The following RYR2 variants were observed in gnomAD, a reference collection of about 807,000 sequenced individuals.
RYR2 encodes the protein ryanodine receptor 2, also known as cardiac muscle ryanodine receptor-calcium release channel.
A neutral mutation model predicts 601.1 loss-of-function variants in RYR2; 227 were observed. That is an observed-to-expected ratio of 0.38 (90% CI 0.34 to 0.42). RYR2 has a LOEUF of 0.42. Among genes scored for constraint, RYR2 ranks in the 10% least tolerant of loss-of-function variants. RYR2 has a pLI of 1.00. For synonymous variants in RYR2, 2,223 were observed against 2,175.1 expected (o/e 1.02, Z -0.61); for missense variants, 4,646 against 6,156.5 (o/e 0.75, Z 8.21).
intron 14 of RYR2, 91 bp from the exon 15 acceptor site, chr1:237,454,300 A>G: frequency 1.5e-6 from 2 of 1,293,328 alleles, no homozygotes; most frequent in Non-Finnish European, 2.1e-6. Flanking sequence ...TGATGTAGGG[A>G]GAGAGATTAA....
chr1:237,154,977 T>C (rs1675144538), intron 1 of RYR2, among the ~76,000 whole-genome samples: 1 of 152,070 alleles, frequency 6.6e-6, no homozygotes, highest in African/African-American at 2.4e-5. Context: ...TTTCTACTCT[T>C]GTACTAAGCT....
chr1:237,456,621 G>T lies in RYR2; in HGVS notation c.1498G>T (p.Glu500Ter). The T allele has an allele frequency of 6.3e-7, 1 of 1,575,434 alleles. No individual in the cohort carries two copies. Among genetic ancestry groups the T allele is most frequent in the South Asian group, 1.2e-5 (1 of 84,882 alleles). ...CCAGGGAATGATCAACCTCGTGCTTGAGTGCATAGACCGTTTGCACGTCTA... is the reference window on the plus strand; with the variant it reads ...CCAGGGAATGATCAACCTCGTGCTTTAGTGCATAGACCGTTTGCACGTCTA... ...QEEGMINLVL[E>*]CIDRLHVYSS... Residue 500 changes from glutamate (E) to a stop codon, truncating the protein, a stop_gained, in exon 16 of 105, where the codon GAG (glutamate) becomes TAG (stop). Transcript: ENST00000366574. LOFTEE classifies it high-confidence loss of function.
intron 1 of RYR2, among the ~76,000 whole-genome samples, chr1:237,117,997 C>T (rs1374237487): frequency 1.3e-5 from 2 of 152,218 alleles, no homozygotes; most frequent in Admixed American, 1.3e-4. Flanking sequence ...CCATTCTCCT[C>T]AGCCTCCCAA....
At chr1:237,225,785 G>T (rs771897455) in intron 1 of RYR2, among the ~76,000 whole-genome samples, 1 of 152,130 alleles carries the variant, frequency 6.6e-6, no homozygotes, top group Non-Finnish European at 1.5e-5. Flanking sequence ...GGCAGAGCAC[G>T]GTGGCTCATG....
intron 29 of RYR2, among the ~76,000 whole-genome samples, chr1:237,583,209 T>C (rs1358075565): frequency 6.6e-6 from 1 of 152,192 alleles, no homozygotes; most frequent in Non-Finnish European, 1.5e-5. Flanking sequence ...GTTTGTTGGC[T>C]GCTTGTATGT....
Position 237,791,442 on chromosome 1 carries a change from G to A in RYR2, c.13490G>A (p.Arg4497His), listed in dbSNP as rs867681818. 4 of 1,571,378 alleles carry A rather than the reference G, an allele frequency of 2.5e-6. No homozygotes were observed. Among genetic ancestry groups the A allele is most frequent in the Admixed American group, 1.8e-5 (1 of 54,480 alleles). ...TTTCACCCTCAGAACTATTTTGCTC[G>A]CAACTTTTACAACATGAGAATGTTA... is the stretch of plus-strand genomic sequence containing the variant. ...YQQKLLNYFARNFYNMRMLAL... is the reference protein window; with the variant it reads ...YQQKLLNYFAHNFYNMRMLAL... Residue 4497 changes from arginine to histidine, a missense_variant, in exon 93 of 105, where the codon CGC becomes CAC. By Grantham distance (29) the Arg-to-His change is conservative. Around this residue, in one of 17 missense-constraint regions of RYR2, gnomAD observed 364 missense variants for 442.9 expected, o/e 0.82. Transcript: ENST00000366574.
At chr1:237,185,695 G>T (rs560079264) in intron 1 of RYR2, among the ~76,000 whole-genome samples, 1 of 152,160 alleles carries the variant, frequency 6.6e-6, no homozygotes, top group South Asian at 2.1e-4. Flanking sequence ...GTGTGGTTGT[G>T]CATTCTCAGG....
At chr1:237,139,713 C>G (rs1673174819) in intron 1 of RYR2, among the ~76,000 whole-genome samples, 1 of 152,156 alleles carries the variant, frequency 6.6e-6, no homozygotes, top group Admixed American at 6.5e-5. Context: ...TTCTGGCATG[C>G]CTACTGCCTA....
intron 1 of RYR2, among the ~76,000 whole-genome samples, chr1:237,204,998 G>T (rs1681640185): frequency 6.6e-6 from 1 of 152,190 alleles, no homozygotes; most frequent in South Asian, 2.1e-4. Context: ...CCACTGCCCT[G>T]AGAGGACACA....
intron 17 of RYR2, among the ~76,000 whole-genome samples, chr1:237,479,618 G>A (rs1013089358): frequency 5.3e-5 from 8 of 152,190 alleles, no homozygotes; most frequent in African/African-American, 1.9e-4. Flanking sequence ...AGGTGTTTAT[G>A]TCTTGTAAAC....
At chr1:237,404,837 A>C (rs1703711632) in intron 10 of RYR2, among the ~76,000 whole-genome samples, 1 of 152,162 alleles carries the variant, frequency 6.6e-6, no homozygotes, top group African/African-American at 2.4e-5. Flanking sequence ...GTGTTTTGAG[A>C]GGGACTGTTT....
chr1:237,625,416 T>G (rs1214336689), intron 39 of RYR2, among the ~76,000 whole-genome samples: 1 of 152,042 alleles, frequency 6.6e-6, no homozygotes, highest in Non-Finnish European at 1.5e-5. Flanking sequence ...CTCTACTCAG[T>G]GTTATATTTT....
At chr1:237,582,923 G>GATATATATATATATAT (rs71180101) in intron 29 of RYR2, among the ~76,000 whole-genome samples, 120 of 133,190 alleles carry the variant, frequency 9.0e-4, no homozygotes, top group East Asian at 3.8e-3. Context: ...TTTTCTTTTG[G>GATATATATATATATAT]ATATATATAT....
intron 79 of RYR2, among the ~76,000 whole-genome samples, chr1:237,734,550 T>C (rs80207278): frequency 0.011 from 1,630 of 152,326 alleles, 18 homozygotes; most frequent in African/African-American, 0.032. Flanking sequence ...GAGGTCTGCT[T>C]AAGGAAGTCT....
chr1:237,762,303 T>C (rs1693491037), intron 84 of RYR2, among the ~76,000 whole-genome samples: 1 of 152,220 alleles, frequency 6.6e-6, no homozygotes, highest in African/African-American at 2.4e-5. Flanking sequence ...TTAGGTTTTC[T>C]GGACCCATCT....
chr1:237,151,610 G>A (rs763182917), intron 1 of RYR2, among the ~76,000 whole-genome samples: 3 of 152,152 alleles, frequency 2.0e-5, no homozygotes, highest in Non-Finnish European at 4.4e-5. Flanking sequence ...TCATCTGCTG[G>A]GTGAGGATAT....
chr1:237,714,654 AGAG>A lies in RYR2; in HGVS notation c.10324-2539_10324-2537del, dbSNP rs371381988. Among the ~76,000 whole-genome samples, 868 of 152,188 alleles carry A rather than the reference AGAG, an allele frequency of 5.7e-3. 7 individuals are homozygous for A. Among genetic ancestry groups the A allele is most frequent in the Middle Eastern group, 0.017 (5 of 294 alleles). The stretch of plus-strand genomic sequence containing the variant: ...GTGGGTGTGTGAGAGACAGAGATAG[AGAG>A]GAGGCAGAAGCAGAGGTTGATTGAT... On this transcript the variant is annotated intron_variant, in intron 71 of 104. Coordinates refer to ENST00000366574, the MANE Select transcript of RYR2 (RefSeq NM_001035.3).
chr1:237,082,588 CCT>C lies in RYR2; in HGVS notation c.48+40022_48+40023del, dbSNP rs1186708340. On this transcript the variant is annotated intron_variant, in intron 1 of 104. Coordinates refer to ENST00000366574, the MANE Select transcript of RYR2 (RefSeq NM_001035.3). Reference sequence around the variant, plus strand: ...GGATATAAAATCAGAGAGTAAACTGCCTCTTATAGCCGCCCCTCCTGCAGTCT... The same window carrying C: ...GGATATAAAATCAGAGAGTAAACTGCCTTATAGCCGCCCCTCCTGCAGTCT... Among the ~76,000 whole-genome samples, 16 of 120,176 alleles carry C rather than the reference CCT, an allele frequency of 1.3e-4. No individual in the cohort carries two copies. In the Admixed American group the frequency reaches 1.5e-3, roughly 11 times the overall value. The allele number at this position is 120,176 out of a possible 152,430, so 78.8% of individuals were successfully genotyped here. A position where few individuals can be genotyped will look rare whatever the true frequency, so the allele number is the denominator to read the frequency against.
intron 3 of RYR2, among the ~76,000 whole-genome samples, chr1:237,351,948 A>G (rs777894324): frequency 2.0e-5 from 3 of 151,686 alleles, no homozygotes; most frequent in Non-Finnish European, 2.9e-5. Flanking sequence ...ATATTGGGAA[A>G]TCCATCCCAT....
Sources: gnomAD v4.1 joint callset for allele counts (sites outside exome capture counted in the v4.1 genomes callset) on GRCh38, gnomAD v4.1.1 for gene constraint, gnomAD v4.1.1 regional missense constraint, MANE v1.5 for transcripts, NCBI Gene and HGNC (gene_info 2026-07-23, HGNC 2026-07-21) for gene names.